The following ANKRD10 variants were observed in gnomAD, a reference collection of about 807,000 sequenced individuals.
ANKRD10 encodes ankyrin repeat domain-containing protein 10.
Under a neutral mutation model 27.0 loss-of-function variants are expected in ANKRD10, and 14 were observed. The ratio of observed to expected loss-of-function variants is 0.52; its 90% confidence interval spans 0.34 to 0.81. The LOEUF (loss-of-function observed/expected upper bound fraction) is 0.81, where lower values mean the gene tolerates loss of function less well. ANKRD10 is among the 40% of genes least tolerant of loss of function. The pLI is 0.01. For synonymous variants in ANKRD10, 250 were observed against 224.5 expected (o/e 1.11, Z -1.01); for missense variants, 493 against 544.0 (o/e 0.91, Z 0.93).
chr13:110,885,285 G>A (rs374043919), intron 4 of ANKRD10, among the ~76,000 whole-genome samples: 2 of 152,298 alleles, frequency 1.3e-5, no homozygotes, highest in East Asian at 3.9e-4. Context: ...GGGCATGGTG[G>A]CTCATGCCTG....
intron 3 of ANKRD10, among the ~76,000 whole-genome samples, chr13:110,898,721 C>T (rs528256455): frequency 1.3e-5 from 2 of 150,526 alleles, no homozygotes; most frequent in South Asian, 4.2e-4. Flanking sequence ...CACAGGTACA[C>T]AACACCATAC....
intron 1 of ANKRD10, among the ~76,000 whole-genome samples, chr13:110,914,224 G>A (rs1229860566): frequency 6.6e-6 from 1 of 152,266 alleles, no homozygotes; most frequent in East Asian, 1.9e-4. Flanking sequence ...GAGGCTGTGC[G>A]GAACCAGAAG....
chr13:110,912,276 TCTCAA>T (rs988001024), intron 1 of ANKRD10, among the ~76,000 whole-genome samples: 3 of 152,178 alleles, frequency 2.0e-5, no homozygotes, highest in African/African-American at 7.2e-5. Context: ...GACACTACCA[TCTCAA>T]CTCAAGGTTT....
At chr13:110,899,719 A>G (rs1299278697) in intron 3 of ANKRD10, among the ~76,000 whole-genome samples, 1 of 152,174 alleles carries the variant, frequency 6.6e-6, no homozygotes, top group Non-Finnish European at 1.5e-5. Flanking sequence ...GCAATCACTG[A>G]GCAGGCCACC....
chr13:110,888,017 T>C (rs901578490), intron 4 of ANKRD10, among the ~76,000 whole-genome samples: 5 of 152,234 alleles, frequency 3.3e-5, no homozygotes, highest in Non-Finnish European at 5.9e-5. Flanking sequence ...TTTAAGGTCC[T>C]GTTAAAACCA....
intron 4 of ANKRD10, among the ~76,000 whole-genome samples, chr13:110,890,111 C>T (rs2065035754): frequency 6.6e-6 from 1 of 152,060 alleles, no homozygotes; most frequent in African/African-American, 2.4e-5. Flanking sequence ...TTAAGCAAAA[C>T]TTAAAACACA....
At chr13:110,900,489 A>T (rs1594604683) in intron 3 of ANKRD10, 1 of 1,194,006 alleles carries the variant, frequency 8.4e-7, no homozygotes. Flanking sequence ...CTCTATCTGA[A>T]TTCCTAGATT....
At chr13:110,887,899 G>A (rs955368273) in intron 4 of ANKRD10, among the ~76,000 whole-genome samples, 8 of 152,176 alleles carry the variant, frequency 5.3e-5, no homozygotes, top group African/African-American at 1.4e-4. Flanking sequence ...AAGCCTCAAT[G>A]TCCTCTCATT....
intron 3 of ANKRD10, among the ~76,000 whole-genome samples, chr13:110,901,328 A>G (rs2065374543): frequency 6.6e-6 from 1 of 152,216 alleles, no homozygotes; most frequent in African/African-American, 2.4e-5. Context: ...TTTGGTGCCA[A>G]GTTTTCAAGT....
intron 4 of ANKRD10, among the ~76,000 whole-genome samples, chr13:110,884,397 G>C (rs188970122): frequency 6.6e-6 from 1 of 152,120 alleles, no homozygotes; most frequent in South Asian, 2.1e-4. Context: ...TCTCTGTACT[G>C]TGGAGATGCG....
intron 3 of ANKRD10, chr13:110,900,833 TAGAC>T (rs2065361910): frequency 4.2e-6 from 2 of 478,940 alleles, no homozygotes; most frequent in Admixed American, 6.3e-5. Flanking sequence ...TAAAAATACA[TAGAC>T]AACATAAGGT....
intron 3 of ANKRD10, among the ~76,000 whole-genome samples, chr13:110,903,855 T>C (rs1235558439): frequency 6.6e-6 from 1 of 152,210 alleles, no homozygotes; most frequent in Non-Finnish European, 1.5e-5. Flanking sequence ...AATAAGTTAA[T>C]TCTATGCTCC....
chr13:110,892,630 C>A (rs2065111221), intron 4 of ANKRD10: 1 of 694,088 alleles, frequency 1.4e-6, no homozygotes, highest in Non-Finnish European at 1.8e-6. Context: ...TACTGCCAGA[C>A]CATCAGCAAT....
At chr13:110,893,466 ATAAAC>A (rs1306327840) in intron 3 of ANKRD10, among the ~76,000 whole-genome samples, 2 of 152,220 alleles carry the variant, frequency 1.3e-5, no homozygotes, top group African/African-American at 4.8e-5. Context: ...GATTTGGGAG[ATAAAC>A]TAAATATGCT....
At position 110,893,073 on chromosome 13, in the gene ANKRD10, A is replaced by C; in HGVS notation, c.646T>G (p.Leu216Val). Residue 216 changes from leucine to valine, a missense_variant, in exon 4 of 6, where the codon TTG becomes GTG. Physicochemically the swap from Leu to Val is conservative, Grantham distance 32. Coordinates refer to ENST00000267339, the MANE Select transcript of ANKRD10 (RefSeq NM_017664.4). ...ACTCCAAAGTCTTCTGAGTCTTCCA[A>C]GCATCTCTTTCGATTTGTTCCCACA... ...ISVGTNRKRC[L>V]EDSEDFGVKK... is the part of the protein sequence containing the mutation. 1 of 1,614,232 alleles carries C rather than the reference A, an allele frequency of 6.2e-7. No individual in the cohort carries two copies. Among genetic ancestry groups the C allele is most frequent in the Non-Finnish European group, 8.5e-7 (1 of 1,180,038 alleles).
chr13:110,902,543 G>C (rs1235732776), intron 3 of ANKRD10, among the ~76,000 whole-genome samples: 1 of 152,188 alleles, frequency 6.6e-6, no homozygotes, highest in Non-Finnish European at 1.5e-5. Flanking sequence ...CTAGGCAAGA[G>C]AGACTTTTCT....
intron 3 of ANKRD10, chr13:110,900,818 TGG>T: frequency 1.8e-6 from 1 of 571,040 alleles, no homozygotes; most frequent in South Asian, 1.7e-5. Context: ...AGGCAACATT[TGG>T]ATTAAAAATA....
intron 4 of ANKRD10, among the ~76,000 whole-genome samples, chr13:110,886,244 C>A (rs1444104180): frequency 1.3e-5 from 2 of 152,248 alleles, no homozygotes; most frequent in East Asian, 3.8e-4. Context: ...AATCCTGTAA[C>A]TATAAGGCTC....
At chr13:110,903,373 C>G (rs1402473981) in intron 3 of ANKRD10, 1 of 153,392 alleles carries the variant, frequency 6.5e-6, no homozygotes, top group Non-Finnish European at 1.5e-5. Flanking sequence ...ATAATAATGA[C>G]CAACATATAA....
Sources: allele counts gnomAD v4.1 joint callset (sites outside exome capture counted in the v4.1 genomes callset), GRCh38; gene constraint gnomAD v4.1.1; transcripts MANE v1.5; gene names NCBI Gene and HGNC (gene_info 2026-07-23, HGNC 2026-07-21).